The following ALG14 variants were observed in gnomAD, a reference collection of about 807,000 sequenced individuals.
ALG14 encodes UDP-N-acetylglucosamine transferase subunit ALG14.
Under a neutral mutation model 22.8 loss-of-function variants are expected in ALG14, and 17 were observed. That is an observed-to-expected ratio of 0.75 (90% CI 0.51 to 1.12). ALG14 has a LOEUF of 1.12. ALG14 is among the 50% of genes most tolerant of loss of function. The pLI, the probability that ALG14 is intolerant of heterozygous loss-of-function variation, is 0.00. For missense variants in ALG14, 288 were observed against 271.8 expected (o/e 1.06, Z -0.42); for synonymous variants, 89 against 103.7 (o/e 0.86, Z 0.86).
chr1:95,063,943 C>T (rs944193859), intron 2 of ALG14, among the ~76,000 whole-genome samples: 6 of 152,166 alleles, frequency 3.9e-5, no homozygotes, highest in Admixed American at 2.6e-4. Context: ...TGTTTGTGTC[C>T]TCTCTGATTT....
chr1:94,988,806 C>T lies in ALG14; in HGVS notation c.421-5500G>A, dbSNP rs552665668. Among the ~76,000 whole-genome samples the T allele has an allele frequency of 2.6e-5, 4 of 152,190 alleles. No homozygotes were observed. The East Asian group carries it at 7.7e-4, about 29-fold the overall frequency. On this transcript the variant is annotated intron_variant, in intron 3 of 3. Coordinates refer to ENST00000370205, the MANE Select transcript of ALG14 (RefSeq NM_144988.4). ...AAATAGTGGCATAGAAAGTTTGCCC[C>T]TCTTTTAAATATTAACTTTTCATCT...
chr1:94,998,308 T>C lies in ALG14; in HGVS notation c.421-15002A>G, dbSNP rs140264061. On this transcript the variant is annotated intron_variant, in intron 3 of 3. Transcript: ENST00000370205. ...GTTCCTGACTCCCACCTCCACTGGC[T>C]GTCTAACCCCATTCAGCCTTCCCTG... is the stretch of plus-strand genomic sequence containing the variant. 2.9e-3 allele frequency among the ~76,000 whole-genome samples: 445 copies of C among 152,270 alleles called. 2 individuals are homozygous for C. The highest frequency in any genetic ancestry group is 0.01 in the African/African-American group (422 of 41,552).
intron 3 of ALG14, among the ~76,000 whole-genome samples, chr1:95,026,462 A>ATGTGTGTG (rs141495807): frequency 0.032 from 4,609 of 142,290 alleles, 96 homozygotes; most frequent in African/African-American, 0.047. Flanking sequence ...AGCCCAAGGA[A>ATGTGTGTG]TGTGTGTGTG....
At chr1:95,009,503 C>G (rs1471892367) in intron 3 of ALG14, among the ~76,000 whole-genome samples, 1 of 152,062 alleles carries the variant, frequency 6.6e-6, no homozygotes, top group Non-Finnish European at 1.5e-5. Flanking sequence ...TGACCAGTCA[C>G]CAGGGTTTTG....
At chr1:95,031,229 C>G (rs1238031759) in intron 2 of ALG14, among the ~76,000 whole-genome samples, 1 of 152,202 alleles carries the variant, frequency 6.6e-6, no homozygotes, top group Admixed American at 6.5e-5. Flanking sequence ...TGGTTATCCA[C>G]AGGGTAGGGC....
At chr1:95,036,513 A>G (rs1674200332) in intron 2 of ALG14, among the ~76,000 whole-genome samples, 2 of 138,838 alleles carry the variant, frequency 1.4e-5, no homozygotes, top group South Asian at 4.5e-4. Context: ...TGCAACCTCC[A>G]CAACCCAAAT....
intron 2 of ALG14, among the ~76,000 whole-genome samples, chr1:95,060,779 T>A (rs566649737): frequency 1.3e-5 from 2 of 152,252 alleles, no homozygotes; most frequent in East Asian, 3.9e-4. Context: ...AGACTATTAA[T>A]GTGAAGCAAA....
chr1:95,033,683 AG>A (rs990643816), intron 2 of ALG14, among the ~76,000 whole-genome samples: 3 of 151,998 alleles, frequency 2.0e-5, no homozygotes, highest in African/African-American at 7.3e-5. Flanking sequence ...AGGAGAGAGG[AG>A]GCTGCCCCCA....
At chr1:95,068,952 T>G (rs1334509296) in intron 1 of ALG14, among the ~76,000 whole-genome samples, 1 of 152,206 alleles carries the variant, frequency 6.6e-6, no homozygotes, top group South Asian at 2.1e-4. Context: ...TCCACAGTTG[T>G]GGATTTAACT....
At chr1:95,066,418 T>C (rs1675370766) in intron 1 of ALG14, among the ~76,000 whole-genome samples, 2 of 152,146 alleles carry the variant, frequency 1.3e-5, no homozygotes, top group Non-Finnish European at 2.9e-5. Context: ...GAGACAGAGT[T>C]TCACCACATT....
At chr1:95,029,974 A>G (rs1673947639) in intron 2 of ALG14, among the ~76,000 whole-genome samples, 1 of 152,230 alleles carries the variant, frequency 6.6e-6, no homozygotes, top group Admixed American at 6.5e-5. Context: ...TTCCCAAACT[A>G]TAAACCACTC....
At chr1:95,011,867 TTTTAATGAC>T (rs1673373707) in intron 3 of ALG14, among the ~76,000 whole-genome samples, 1 of 152,322 alleles carries the variant, frequency 6.6e-6, no homozygotes, top group South Asian at 2.1e-4. Context: ...TAATTTGTAT[TTTTAATGAC>T]TTAAAGTGAT....
intron 1 of ALG14, among the ~76,000 whole-genome samples, chr1:95,068,625 G>A (rs1675458642): frequency 6.6e-6 from 1 of 152,120 alleles, no homozygotes; most frequent in Non-Finnish European, 1.5e-5. Context: ...AAGAGTAAAT[G>A]TCGCTTGGTC....
At chr1:94,997,419 A>T (rs1261099962) in intron 3 of ALG14, among the ~76,000 whole-genome samples, 1 of 152,246 alleles carries the variant, frequency 6.6e-6, no homozygotes, top group Non-Finnish European at 1.5e-5. Flanking sequence ...TGGTGATAAT[A>T]TTAAACCTCT....
intron 2 of ALG14, among the ~76,000 whole-genome samples, chr1:95,033,761 A>G (rs1051598323): frequency 6.6e-6 from 1 of 151,850 alleles, no homozygotes; most frequent in Non-Finnish European, 1.5e-5. Context: ...TGTCTCGGCT[A>G]CTCCCACAAT....
At chr1:95,000,726 T>C (rs1416071132) in intron 3 of ALG14, among the ~76,000 whole-genome samples, 1 of 143,784 alleles carries the variant, frequency 7.0e-6, no homozygotes, top group African/African-American at 2.6e-5. Context: ...TGTGAGTTAA[T>C]TCAACCTATG....
At chr1:95,053,460 G>A (rs1674821137) in intron 2 of ALG14, among the ~76,000 whole-genome samples, 1 of 152,076 alleles carries the variant, frequency 6.6e-6, no homozygotes, top group African/African-American at 2.4e-5. Flanking sequence ...GAACTAGAAT[G>A]CAAAAATATG....
intron 1 of ALG14, 93 bp from the exon 2 acceptor site, chr1:95,065,110 G>A (rs1264684737): frequency 1.8e-6 from 2 of 1,121,488 alleles, no homozygotes; most frequent in Non-Finnish European, 2.4e-6. Flanking sequence ...TTCAGGTTGG[G>A]GGTGGGGGGG....
rs74101953 is a variant in ALG14, at chr1:94,989,597, G to A, written c.421-6291C>T. Among the ~76,000 whole-genome samples the A allele has an allele frequency of 5.2e-3, 788 of 152,286 alleles. 8 individuals carry two copies. Among genetic ancestry groups the A allele is most frequent in the Middle Eastern group, 0.02 (6 of 294 alleles). ...TGGTAGCAAAGGTACTGCTGGCAGG[G>A]GTCCAGCATCCAGTGCCAGTGGTGC... On this transcript the variant is annotated intron_variant, in intron 3 of 3. Coordinates refer to ENST00000370205, the MANE Select transcript of ALG14 (RefSeq NM_144988.4).
Sources: allele counts gnomAD v4.1 joint callset (sites outside exome capture counted in the v4.1 genomes callset), GRCh38; gene constraint gnomAD v4.1.1; transcripts MANE v1.5; gene names NCBI Gene and HGNC (gene_info 2026-07-23, HGNC 2026-07-21).